The following SAMD13 variants were observed in gnomAD, a reference collection of about 807,000 sequenced individuals.
SAMD13 encodes the protein sterile alpha motif domain-containing protein 13.
SAMD13 carries 9 observed loss-of-function variants against 12.4 expected under a neutral mutation model. The observed-to-expected ratio is 0.72, with a 90% confidence interval of 0.44 to 1.26. The LOEUF (loss-of-function observed/expected upper bound fraction) is 1.26. SAMD13 is among the 50% of genes most tolerant of loss of function. SAMD13 has a pLI of 0.00. For missense variants in SAMD13, 84 were observed against 119.6 expected (o/e 0.70, Z 1.39); for synonymous variants, 46 against 45.4 (o/e 1.01, Z -0.05).
At position 84,350,210 on chromosome 1, in the gene SAMD13, G is replaced by A. The variant is rs965593688; in HGVS notation, c.*436G>A. The stretch of plus-strand genomic sequence containing the variant: ...GAAGAAAGGGATTGCTGTCTCCCTT[G>A]AATTCCTCTGTTCCTTAGAGCTTGT... On this transcript the variant is annotated 3_prime_UTR_variant, in exon 4 of 4. Transcript: ENST00000394834. 1.3e-5 allele frequency: 2 copies of A among 153,782 alleles called. No homozygotes were observed. The highest frequency in any genetic ancestry group is 2.9e-5 in the Non-Finnish European group (2 of 69,120). 9.5% of individuals were successfully genotyped at this position (153,782 alleles called of 1,614,324 possible).
chr1:84,312,035 G>A (rs1678726863), intron 2 of SAMD13, among the ~76,000 whole-genome samples: 1 of 152,056 alleles, frequency 6.6e-6, no homozygotes, highest in Admixed American at 6.6e-5. Context: ...GCAATTGTTT[G>A]GTGGCTTGAT....
At chr1:84,314,981 C>T (rs1369345033) in intron 2 of SAMD13, among the ~76,000 whole-genome samples, 1 of 147,602 alleles carries the variant, frequency 6.8e-6, no homozygotes, top group Non-Finnish European at 1.5e-5. Flanking sequence ...TCTGTCCCTC[C>T]CTCCCTCCCT....
intron 2 of SAMD13, among the ~76,000 whole-genome samples, chr1:84,316,549 G>GGGC (rs1439711216): frequency 2.6e-5 from 4 of 152,006 alleles, no homozygotes; most frequent in African/African-American, 9.7e-5. Flanking sequence ...ATGTATTTCT[G>GGGC]GGCTCTCTCT....
At chr1:84,306,570 G>A (rs1205362632) in intron 2 of SAMD13, among the ~76,000 whole-genome samples, 1 of 150,382 alleles carries the variant, frequency 6.6e-6, no homozygotes, top group Non-Finnish European at 1.5e-5. Context: ...AGGCCAAAGT[G>A]GGCAGATCAC....
At chr1:84,317,187 G>A (rs1350599169) in intron 2 of SAMD13, among the ~76,000 whole-genome samples, 1 of 151,888 alleles carries the variant, frequency 6.6e-6, no homozygotes, top group Non-Finnish European at 1.5e-5. Flanking sequence ...CAATTTGGAG[G>A]CTATTTATTT....
intron 2 of SAMD13, among the ~76,000 whole-genome samples, chr1:84,307,744 C>T (rs909955457): frequency 1.3e-5 from 2 of 152,014 alleles, no homozygotes; most frequent in African/African-American, 2.4e-5. Context: ...GGAACAGAGC[C>T]GCATTTAGAC....
At chr1:84,304,419 G>C (rs2101786007) in intron 2 of SAMD13, 1 of 152,218 alleles carries the variant, frequency 6.6e-6, no homozygotes, top group Non-Finnish European at 1.5e-5. Context: ...GCCACATGTG[G>C]CTACGAAGAA....
chr1:84,325,834 G>A (rs1306771173), intron 3 of SAMD13, 86 bp downstream of exon 3: 1 of 788,708 alleles, frequency 1.3e-6, no homozygotes, highest in Non-Finnish European at 2.2e-6. Flanking sequence ...AGGGAGTGAG[G>A]AGGAAGAGGA....
intron 2 of SAMD13, among the ~76,000 whole-genome samples, chr1:84,312,700 A>C (rs1678741434): frequency 1.3e-5 from 2 of 152,146 alleles, no homozygotes; most frequent in African/African-American, 4.8e-5. Context: ...GTTCAAGTAA[A>C]ATGTAGGCAA....
chr1:84,346,419 T>A (rs178367), intron 3 of SAMD13, among the ~76,000 whole-genome samples: 127,244 of 152,188 alleles, frequency 0.84, 54,745 homozygotes, highest in Non-Finnish European at 0.95. Context: ...AAAGACACAA[T>A]CAATGTCAAA....
At chr1:84,345,267 A>G (rs1188894868) in intron 3 of SAMD13, 1 of 454,716 alleles carries the variant, frequency 2.2e-6, no homozygotes, top group East Asian at 7.0e-5. Context: ...ATTCCTCCAC[A>G]TCATTGGTAA....
chr1:84,324,648 A>G (rs1679017851), intron 2 of SAMD13, among the ~76,000 whole-genome samples: 1 of 152,084 alleles, frequency 6.6e-6, no homozygotes, highest in South Asian at 2.1e-4. Context: ...GTCCTGAGGG[A>G]CCTCCAAAGC....
chr1:84,328,681 A>AC (rs1679111126), intron 3 of SAMD13, among the ~76,000 whole-genome samples: 1 of 151,956 alleles, frequency 6.6e-6, no homozygotes, highest in Non-Finnish European at 1.5e-5. Context: ...TCAGCATTTT[A>AC]CCTCTGGAGT....
At chr1:84,346,563 A>G (rs1239504180) in intron 3 of SAMD13, among the ~76,000 whole-genome samples, 1 of 152,126 alleles carries the variant, frequency 6.6e-6, no homozygotes, top group Non-Finnish European at 1.5e-5. Context: ...AATTGGTCAC[A>G]CTCCAATCAC....
At chr1:84,324,254 A>G (rs1046033649) in intron 2 of SAMD13, among the ~76,000 whole-genome samples, 3 of 152,242 alleles carry the variant, frequency 2.0e-5, no homozygotes, top group East Asian at 1.9e-4. Context: ...ACATAGGACC[A>G]TTCAACAGCT....
At chr1:84,328,385 G>C (rs1364086997) in intron 3 of SAMD13, among the ~76,000 whole-genome samples, 1 of 152,204 alleles carries the variant, frequency 6.6e-6, no homozygotes, top group Non-Finnish European at 1.5e-5. Context: ...CCTGAGAAAT[G>C]AATTCTCAAA....
intron 2 of SAMD13, among the ~76,000 whole-genome samples, chr1:84,305,027 C>T (rs1046598509): frequency 6.6e-6 from 1 of 152,096 alleles, no homozygotes; most frequent in East Asian, 1.9e-4. Context: ...ATTTCTCTTT[C>T]ATAATTACTT....
chr1:84,303,173 A>G (rs752319303), intron 1 of SAMD13, 30 bp from the exon 2 acceptor site: 1 of 1,532,878 alleles, frequency 6.5e-7, no homozygotes, highest in South Asian at 1.1e-5. Flanking sequence ...TCTAAGAATT[A>G]AACACAAGCT....
At chr1:84,336,847 T>C (rs1679305888) in intron 3 of SAMD13, among the ~76,000 whole-genome samples, 1 of 152,184 alleles carries the variant, frequency 6.6e-6, no homozygotes, top group Admixed American at 6.5e-5. Context: ...AGCAGTTAGT[T>C]ACTTCCTAGA....
Sources: allele counts gnomAD v4.1 joint callset (sites outside exome capture counted in the v4.1 genomes callset), GRCh38; gene constraint gnomAD v4.1.1; transcripts MANE v1.5; gene names NCBI Gene and HGNC (gene_info 2026-07-23, HGNC 2026-07-21).